Variants in TRIP4 observed in about 807,000 individuals in gnomAD.
The protein encoded by TRIP4 is thyroid hormone receptor interactor 4, also known as activating signal cointegrator 1.
In TRIP4, 54 loss-of-function variants were observed where a neutral mutation model predicts 81.8. The observed-to-expected ratio is 0.66, with a 90% CI of 0.53 to 0.83. TRIP4 has a LOEUF of 0.83. Ranked by LOEUF, TRIP4 falls within the 40% of genes least tolerant of loss-of-function variation. TRIP4 has a pLI of 0.00. For synonymous variants in TRIP4, 270 were observed against 242.8 expected (o/e 1.11, Z -1.04); for missense variants, 662 against 683.6 (o/e 0.97, Z 0.35).
In TRIP4 at chr15:64,455,161, C is replaced by T. The variant is rs1427081855; in HGVS notation, c.*97C>T. 2 of 1,089,540 alleles carry T rather than the reference C, an allele frequency of 1.8e-6. No individual in the cohort carries two copies. Among genetic ancestry groups the T allele is most frequent in the Admixed American group, 2.4e-5 (1 of 42,272 alleles). 67.5% of individuals were successfully genotyped at this position (1,089,540 alleles called of 1,614,324 possible). On this transcript the variant is annotated 3_prime_UTR_variant, in exon 13 of 13. Transcript: ENST00000261884. ...AATTGAAGTAGTAGAAACCTAAAGG[C>T]TTGGCGTCAGGCTTGAATATCTCAG...
At chr15:64,407,321 C>G (rs762603906) in intron 6 of TRIP4, among the ~76,000 whole-genome samples, 3 of 152,188 alleles carry the variant, frequency 2.0e-5, no homozygotes, top group Non-Finnish European at 4.4e-5. Context: ...CATATTCACT[C>G]TTCATCCTTT....
At chr15:64,411,923 C>T (rs952281057) in intron 7 of TRIP4, among the ~76,000 whole-genome samples, 1 of 112,004 alleles carries the variant, frequency 8.9e-6, no homozygotes, top group African/African-American at 3.5e-5. Flanking sequence ...CCTCGTGATC[C>T]ACCCGCCTCG....
intron 8 of TRIP4, among the ~76,000 whole-genome samples, chr15:64,414,512 C>CTTTTTTTTTTTTTT (rs869202504): frequency 3.4e-5 from 3 of 87,022 alleles, no homozygotes; most frequent in African/African-American, 1.3e-4. Flanking sequence ...TGCTCTTTCT[C>CTTTTTTTTTTTTTT]TTTTTTTTTT....
intron 11 of TRIP4, among the ~76,000 whole-genome samples, chr15:64,438,051 T>C (rs749007505): frequency 1.3e-5 from 2 of 152,228 alleles, no homozygotes; most frequent in Non-Finnish European, 2.9e-5. Flanking sequence ...GTTTCTTTTT[T>C]GTTCTAAAAG....
intron 9 of TRIP4, among the ~76,000 whole-genome samples, chr15:64,420,588 A>T (rs1227445111): frequency 1.4e-5 from 2 of 143,862 alleles, no homozygotes; most frequent in African/African-American, 5.2e-5. Context: ...CAGTGGCGTG[A>T]TCTCAGCTCA....
intron 12 of TRIP4, among the ~76,000 whole-genome samples, chr15:64,449,691 T>C (rs978758961): frequency 6.6e-6 from 1 of 152,172 alleles, no homozygotes; most frequent in Non-Finnish European, 1.5e-5. Context: ...GGTAATTGTG[T>C]CTCCTCAAAT....
At chr15:64,442,276 TA>T (rs1274195115) in intron 11 of TRIP4, among the ~76,000 whole-genome samples, 1 of 151,766 alleles carries the variant, frequency 6.6e-6, no homozygotes, top group Non-Finnish European at 1.5e-5. Flanking sequence ...ACAGACCACT[TA>T]AGAGGTTATT....
intron 5 of TRIP4, among the ~76,000 whole-genome samples, chr15:64,403,022 G>T (rs1195909002): frequency 6.6e-6 from 1 of 151,896 alleles, no homozygotes; most frequent in Non-Finnish European, 1.5e-5. Flanking sequence ...ACCATGCCCG[G>T]CTAATTTTTT....
intron 11 of TRIP4, among the ~76,000 whole-genome samples, chr15:64,442,624 T>A (rs1463086211): frequency 3.5e-5 from 5 of 144,754 alleles, no homozygotes; most frequent in East Asian, 2.0e-4. Context: ...AGAGTGAAGA[T>A]AAAAAAAAAA....
At chr15:64,421,744 A>C (rs559081290) in intron 9 of TRIP4, among the ~76,000 whole-genome samples, 1 of 152,288 alleles carries the variant, frequency 6.6e-6, no homozygotes, top group African/African-American at 2.4e-5. Context: ...ACCAGCTTGT[A>C]ACTTAAGAAT....
At chr15:64,398,424 C>CAAAA (rs745672952) in intron 4 of TRIP4, among the ~76,000 whole-genome samples, 14 of 16,290 alleles carry the variant, frequency 8.6e-4, no homozygotes, top group Admixed American at 1.4e-3. Flanking sequence ...CCTGTCTCTA[C>CAAAA]AAAAAAAAAA....
At chr15:64,390,251 C>T (rs1442004463) in intron 1 of TRIP4, among the ~76,000 whole-genome samples, 1 of 151,082 alleles carries the variant, frequency 6.6e-6, no homozygotes, top group African/African-American at 2.4e-5. Flanking sequence ...CATTTGAGGT[C>T]AGGAATTTCA....
rs1225823532 is a variant in TRIP4, at chr15:64,455,249, A to T, written c.*185A>T. The T allele has an allele frequency of 2.1e-6, 1 of 467,514 alleles. No individual in the cohort carries two copies. Among genetic ancestry groups the T allele is most frequent in the African/African-American group, 2.0e-5 (1 of 50,206 alleles). The allele number at this position is 467,514 out of a possible 1,614,324, so 29.0% of individuals were successfully genotyped here. A position where few individuals can be genotyped will look rare whatever the true frequency, so the allele number is the denominator to read the frequency against. ...AGGAGTGGGATTCCTACTTTATGTA[A>T]TGGGGTCGAAATCTTTGAACACATT... is the stretch of plus-strand genomic sequence containing the variant. On this transcript the variant is annotated 3_prime_UTR_variant, in exon 13 of 13. Coordinates refer to ENST00000261884, the MANE Select transcript of TRIP4 (RefSeq NM_016213.5).
chr15:64,439,480 G>A (rs2101225), intron 11 of TRIP4, among the ~76,000 whole-genome samples: 108,379 of 141,484 alleles, frequency 0.77, 43,690 homozygotes, highest in East Asian at 0.96. Flanking sequence ...TGTTGCTTTA[G>A]TTATTAGTTC....
At chr15:64,454,914 TA>T in intron 12 of TRIP4, 82 bp from the exon 13 acceptor site, 1 of 1,248,608 alleles carries the variant, frequency 8.0e-7, no homozygotes, top group African/African-American at 1.5e-5. Context: ...AGGAACACAG[TA>T]ACCAGAAGAC....
rs947039257 is a variant in TRIP4 at position 64,387,984 on chromosome 15, A to G, written c.101+20A>G. The G allele has an allele frequency of 6.5e-7, 1 of 1,542,008 alleles. No individual in the cohort carries two copies. The highest frequency in any genetic ancestry group is 2.5e-5 in the East Asian group (1 of 40,656). Reference sequence around the variant, plus strand: ...CATTCAGTGAGAACAGTTCGGGTCCAAGCGGGGAAGGAGCTCTGGGATGTG... The same window carrying G: ...CATTCAGTGAGAACAGTTCGGGTCCGAGCGGGGAAGGAGCTCTGGGATGTG... On this transcript the variant is annotated intron_variant, in intron 1 of 12. Transcript: ENST00000261884.
chr15:64,400,724 T>C lies in TRIP4; in HGVS notation c.619-19T>C. 6.2e-7 allele frequency: 1 copy of C among 1,600,776 alleles called. No homozygotes were observed. The highest frequency in any genetic ancestry group is 8.6e-7 in the Non-Finnish European group (1 of 1,168,228). On this transcript the variant is annotated intron_variant, in intron 4 of 12. Coordinates refer to ENST00000261884, the MANE Select transcript of TRIP4 (RefSeq NM_016213.5). ...AATTTAACTGTTGGATCACATGTCT[T>C]ACTCTTACTATTTTACAGGTGTGTA...
intron 8 of TRIP4, among the ~76,000 whole-genome samples, chr15:64,417,468 A>T (rs1177321561): frequency 5.9e-5 from 1 of 16,832 alleles, no homozygotes; most frequent in South Asian, 1.1e-3. Context: ...TTAATTTTTT[A>T]AAAAAGATAA....
chr15:64,394,259 G>A (rs542505485), intron 2 of TRIP4, 144 bp downstream of exon 2: 18 of 677,110 alleles, frequency 2.7e-5, no homozygotes, highest in African/African-American at 7.6e-5. Flanking sequence ...TTTTTAGTTC[G>A]GTTCTACTCA....
Sources: allele counts gnomAD v4.1 joint callset (sites outside exome capture counted in the v4.1 genomes callset), GRCh38; gene constraint gnomAD v4.1.1; transcripts MANE v1.5; gene names NCBI Gene and HGNC (gene_info 2026-07-23, HGNC 2026-07-21).